Variants in ELMOD3 observed in about 807,000 individuals in gnomAD.
The protein encoded by ELMOD3 is ELMO domain-containing protein 3.
Under a neutral mutation model 47.4 loss-of-function variants are expected in ELMOD3, and 36 were observed. The observed-to-expected ratio is 0.76, with a 90% CI of 0.58 to 1.00. The LOEUF (loss-of-function observed/expected upper bound fraction) is 1.00. Among genes scored for constraint, ELMOD3 ranks in the 50% least tolerant of loss-of-function variants. The probability of loss-of-function intolerance (pLI) is 0.00; values close to 1 mark genes in which losing one functional copy is unlikely to be tolerated. For synonymous variants in ELMOD3, 149 were observed against 183.5 expected (o/e 0.81, Z 1.52); for missense variants, 404 against 463.8 (o/e 0.87, Z 1.18).
chr2:85,371,684 G>A (rs1168910800), intron 10 of ELMOD3, 122 bp downstream of exon 10: 7 of 1,440,856 alleles, frequency 4.9e-6, no homozygotes, highest in Non-Finnish European at 6.6e-6. Flanking sequence ...ATTCCGGGAA[G>A]AGGGTGCAGC....
Position 85,391,232 on chromosome 2 carries a change from C to G in ELMOD3, c.*270C>G, listed in dbSNP as rs933610673. On this transcript the variant is annotated 3_prime_UTR_variant, in exon 14 of 14. Coordinates refer to ENST00000409013, the MANE Select transcript of ELMOD3 (RefSeq NM_001135022.2). The stretch of plus-strand genomic sequence containing the variant: ...TGGGCTCCAGTCTCCGGGTTGAATT[C>G]CAGTGTATCCCACTGGGAGTGAATG... 3 of 421,094 alleles carry G rather than the reference C, an allele frequency of 7.1e-6. No individual in the cohort carries two copies. The highest frequency in any genetic ancestry group is 1.3e-5 in the Non-Finnish European group (3 of 228,824). 26.1% of individuals were successfully genotyped at this position (421,094 alleles called of 1,614,324 possible).
intron 11 of ELMOD3, among the ~76,000 whole-genome samples, chr2:85,378,069 T>C (rs780211866): frequency 8.5e-5 from 13 of 152,362 alleles, no homozygotes; most frequent in Middle Eastern, 3.4e-3. Flanking sequence ...TATGACTTAA[T>C]GCTTGCTTGG....
At chr2:85,364,349 G>A (rs1188482257) in intron 6 of ELMOD3, among the ~76,000 whole-genome samples, 1 of 151,874 alleles carries the variant, frequency 6.6e-6, no homozygotes, top group African/African-American at 2.4e-5. Context: ...ACTTTGGGAG[G>A]CTGAAGCAGG....
At chr2:85,368,505 G>A (rs1280063603) in intron 6 of ELMOD3, 181 bp from the exon 7 acceptor site, 8 of 597,424 alleles carry the variant, frequency 1.3e-5, no homozygotes, top group East Asian at 8.5e-5. Context: ...AAAATCCTGT[G>A]CTGATCAATA....
intron 11 of ELMOD3, among the ~76,000 whole-genome samples, chr2:85,382,953 AAC>A (rs1225813806): frequency 0.076 from 10,189 of 133,604 alleles, 382 homozygotes; most frequent in South Asian, 0.17. Context: ...AAAAAAAAAA[AAC>A]AAAAAAAACT....
At chr2:85,359,405 CTT>C (rs765640567) in intron 4 of ELMOD3, among the ~76,000 whole-genome samples, 8 of 106,996 alleles carry the variant, frequency 7.5e-5, no homozygotes, top group Admixed American at 2.0e-4. Context: ...TTACATGACT[CTT>C]TTTTTTTTTT....
intron 10 of ELMOD3, 106 bp downstream of exon 10, chr2:85,371,668 G>T: frequency 6.6e-7 from 1 of 1,510,404 alleles, no homozygotes; most frequent in Non-Finnish European, 9.0e-7. Context: ...AAGATCTTGG[G>T]GGAGTATTCC....
At chr2:85,381,077 A>G (rs1446900837) in intron 11 of ELMOD3, among the ~76,000 whole-genome samples, 1 of 152,254 alleles carries the variant, frequency 6.6e-6, no homozygotes, top group Non-Finnish European at 1.5e-5. Flanking sequence ...ATACAAATAC[A>G]GCCCAAAGAA....
intron 11 of ELMOD3, among the ~76,000 whole-genome samples, chr2:85,380,805 A>T (rs1052020719): frequency 5.9e-5 from 9 of 152,182 alleles, no homozygotes. Context: ...GATTACAGGC[A>T]TGAGCCACCA....
intron 5 of ELMOD3, 42 bp from the exon 6 acceptor site, chr2:85,363,055 T>A (rs1684099071): frequency 1.6e-6 from 2 of 1,284,020 alleles, no homozygotes; most frequent in Non-Finnish European, 2.3e-6. Context: ...TATGGGGGTA[T>A]GTGGATTCTA....
chr2:85,365,476 A>C (rs1684321443), intron 6 of ELMOD3, among the ~76,000 whole-genome samples: 1 of 152,218 alleles, frequency 6.6e-6, no homozygotes, highest in African/African-American at 2.4e-5. Flanking sequence ...GGAGACAATT[A>C]TAAAAAGGAA....
intron 11 of ELMOD3, among the ~76,000 whole-genome samples, chr2:85,387,384 A>T (rs935513170): frequency 2.0e-5 from 3 of 152,102 alleles, no homozygotes; most frequent in Admixed American, 2.0e-4. Flanking sequence ...TCATAAGGCC[A>T]GGCGCAGTGG....
chr2:85,359,664 A>G (rs538221995), intron 4 of ELMOD3, among the ~76,000 whole-genome samples: 3 of 152,224 alleles, frequency 2.0e-5, no homozygotes, highest in Admixed American at 6.5e-5. Context: ...TCCAGACCTC[A>G]GGTGATCCAC....
chr2:85,368,748 G>A lies in ELMOD3; in HGVS notation c.262G>A (p.Glu88Lys). The change falls in exon 7 of 14, where the codon GAG becomes AAG. Residue 88 changes from glutamate to lysine, a missense_variant. Physicochemically the swap from Glu to Lys is moderately conservative, Grantham distance 56. Coordinates refer to ENST00000409013, the MANE Select transcript of ELMOD3 (RefSeq NM_001135022.2). The part of the protein sequence containing the change: ...EWEAVDTIQP[E>K]TGSQASSEQP... ...GGAAGCTGTGGACACCATCCAGCCA[G>A]AGACAGGTAACTGTACGAATGCTGC... 6.2e-7 allele frequency: 1 copy of A among 1,614,178 alleles called. No homozygotes were observed. The highest frequency in any genetic ancestry group is 8.5e-7 in the Non-Finnish European group (1 of 1,180,022).
At chr2:85,368,948 C>A (rs1312338326) in intron 7 of ELMOD3, among the ~76,000 whole-genome samples, 194 bp downstream of exon 7, 1 of 152,152 alleles carries the variant, frequency 6.6e-6, no homozygotes, top group Non-Finnish European at 1.5e-5. Flanking sequence ...CTGGAGGAAA[C>A]CAGAGTGAAG....
intron 3 of ELMOD3, chr2:85,356,365 A>G (rs1307584567): frequency 6.6e-6 from 1 of 152,348 alleles, no homozygotes; most frequent in Non-Finnish European, 1.5e-5. Context: ...CACCAAGGTG[A>G]CACCTTTAGC....
chr2:85,371,403 G>C, intron 9 of ELMOD3, 37 bp from the exon 10 acceptor site: 6 of 1,612,824 alleles, frequency 3.7e-6, no homozygotes, highest in Non-Finnish European at 5.1e-6. Context: ...CCCATGAGGG[G>C]CAATCTGGCA....
rs751365231 is a variant in ELMOD3 at position 85,362,231 on chromosome 2, A to G, written c.100A>G (p.Lys34Glu). 1.2e-6 allele frequency: 2 copies of G among 1,607,522 alleles called. No homozygotes were observed. Among genetic ancestry groups the G allele is most frequent in the South Asian group, 2.2e-5 (2 of 90,954 alleles). Reference sequence around the variant, plus strand: ...ATATTCTCCATCATATGACAAGGACAAGAGTGTTCTGGCTTTCAGAGGAAT... The same window carrying G: ...ATATTCTCCATCATATGACAAGGACGAGAGTGTTCTGGCTTTCAGAGGAAT... ...AGYSPSYDKDKSVLAFRGIPI... is the reference protein window; with the variant it reads ...AGYSPSYDKDESVLAFRGIPI... The change falls in exon 5 of 14, where the codon AAG becomes GAG. Residue 34 changes from lysine (K) to glutamate (E), a missense_variant. Physicochemically the swap from Lys to Glu is moderately conservative, Grantham distance 56. Transcript: ENST00000409013.
chr2:85,388,165 T>TAAA (rs1573156347), intron 11 of ELMOD3, among the ~76,000 whole-genome samples: 113 of 151,134 alleles, frequency 7.5e-4, no homozygotes, highest in African/African-American at 1.8e-3. Flanking sequence ...AAAAAAAAAT[T>TAAA]TTTTTGTAGA....
Sources: allele counts gnomAD v4.1 joint callset (sites outside exome capture counted in the v4.1 genomes callset), GRCh38; gene constraint gnomAD v4.1.1; transcripts MANE v1.5; gene names NCBI Gene and HGNC (gene_info 2026-07-23, HGNC 2026-07-21).